CHRM3: variants seen among roughly 807,000 people sequenced by gnomAD.
CHRM3 encodes the protein muscarinic acetylcholine receptor M3.
CHRM3 carries 11 observed loss-of-function variants against 41.8 expected under a neutral mutation model. The observed-to-expected ratio is 0.26, with a 90% CI of 0.17 to 0.44. The LOEUF (loss-of-function observed/expected upper bound fraction) is 0.44. Among genes scored for constraint, CHRM3 ranks in the 20% least tolerant of loss-of-function variants. The pLI, the probability that CHRM3 is intolerant of heterozygous loss-of-function variation, is 1.00. For synonymous variants in CHRM3, 297 were observed against 301.4 expected (o/e 0.99, Z 0.15); for missense variants, 571 against 745.4 (o/e 0.77, Z 2.72).
intron 3 of CHRM3, among the ~76,000 whole-genome samples, chr1:239,562,985 A>T (rs530208851): frequency 6.6e-6 from 1 of 152,290 alleles, no homozygotes; most frequent in East Asian, 1.9e-4. Flanking sequence ...AATGGAATAA[A>T]CTGAAATTCA....
intron 5 of CHRM3, among the ~76,000 whole-genome samples, chr1:239,787,485 A>G (rs1343974492): frequency 1.3e-5 from 2 of 152,010 alleles, no homozygotes; most frequent in East Asian, 3.9e-4. Flanking sequence ...CGAAACAAGA[A>G]CTCCCAGTGG....
intron 3 of CHRM3, among the ~76,000 whole-genome samples, chr1:239,568,343 A>C (rs1300830055): frequency 6.6e-6 from 1 of 152,088 alleles, no homozygotes; most frequent in Admixed American, 6.6e-5. Context: ...TGTCTTAGTG[A>C]GTAAGTTTCA....
intron 6 of CHRM3, among the ~76,000 whole-genome samples, chr1:239,850,771 T>G (rs1190659910): frequency 2.0e-5 from 3 of 152,198 alleles, no homozygotes; most frequent in Admixed American, 2.0e-4. Context: ...TGCTTGGCAC[T>G]TCTCCTTGCT....
intron 5 of CHRM3, among the ~76,000 whole-genome samples, chr1:239,735,817 C>T (rs953264371): frequency 6.6e-6 from 1 of 152,100 alleles, no homozygotes; most frequent in East Asian, 1.9e-4. Context: ...AACACAAACA[C>T]ATCAGAAAAG....
chr1:239,588,005 T>C (rs2148620479), intron 3 of CHRM3, among the ~76,000 whole-genome samples: 1 of 152,350 alleles, frequency 6.6e-6, no homozygotes, highest in African/African-American at 2.4e-5. Flanking sequence ...TTTTAAACAT[T>C]CGATCAGACC....
chr1:239,389,033 G>C (rs1015179666), intron 1 of CHRM3, among the ~76,000 whole-genome samples: 1 of 152,188 alleles, frequency 6.6e-6, no homozygotes, highest in African/African-American at 2.4e-5. Flanking sequence ...TTATGAGATC[G>C]AATGTAGCAC....
At chr1:239,587,341 C>A (rs1448071818) in intron 3 of CHRM3, among the ~76,000 whole-genome samples, 1 of 152,190 alleles carries the variant, frequency 6.6e-6, no homozygotes, top group Non-Finnish European at 1.5e-5. Context: ...ACAGGCCAGC[C>A]TCTTACCAGT....
Position 239,908,530 on chromosome 1 carries a change from A to C in CHRM3, c.1079A>C (p.Glu360Ala). 1 of 1,589,518 alleles carries C rather than the reference A, an allele frequency of 6.3e-7. No individual in the cohort carries two copies. The highest frequency in any genetic ancestry group is 8.6e-7 in the Non-Finnish European group (1 of 1,167,966). Reference sequence around the variant, plus strand: ...TCCGACGAGGAGGACATTGGCTCCGAGACGAGAGCCATCTACTCCATCGTG... The same window carrying C: ...TCCGACGAGGAGGACATTGGCTCCGCGACGAGAGCCATCTACTCCATCGTG... ...ASSDEEDIGS[E>A]TRAIYSIVLK... The change falls in exon 7 of 7, where the codon GAG (glutamate) becomes GCG (alanine). Residue 360 changes from glutamate to alanine, a missense_variant. Glu to Ala is a moderately radical substitution (Grantham distance 107). Coordinates refer to ENST00000676153, the MANE Select transcript of CHRM3 (RefSeq NM_001375978.1). The surrounding 1 kb of genome is among the most constrained non-coding windows in gnomAD (Gnocchi z 7.2).
At position 239,849,702 on chromosome 1, in the gene CHRM3, G is replaced by A. The variant is rs573782922; in HGVS notation, c.-20+22324G>A. ...GACGCTCCTTTGCTAGCTGTGTGAC[G>A]TTAGGCAAATTGCTTCACCTCTTAT... On this transcript the variant is annotated intron_variant, in intron 6 of 6. Transcript: ENST00000676153. Among the ~76,000 whole-genome samples the A allele has an allele frequency of 1.2e-4, 18 of 152,222 alleles. 1 individual carries two copies. The highest frequency in any genetic ancestry group is 1.6e-4 in the Non-Finnish European group (11 of 68,016).
chr1:239,566,726 T>G (rs1661394295), intron 3 of CHRM3, among the ~76,000 whole-genome samples: 1 of 152,202 alleles, frequency 6.6e-6, no homozygotes, highest in African/African-American at 2.4e-5. Flanking sequence ...TGACTCAACT[T>G]TCATGGGGAA....
chr1:239,499,154 T>C lies in CHRM3; in HGVS notation c.-422+6347T>C, dbSNP rs1668063697. 5.9e-5 allele frequency among the ~76,000 whole-genome samples: 9 copies of C among 152,124 alleles called. 1 individual carries two copies. The highest frequency in any genetic ancestry group is 5.9e-4 in the Admixed American group (9 of 15,254). ...AAATAAAGGGTGAATTTCTTCAACT[T>C]GATAGGTTACTTCTGACGATTTCAT... On this transcript the variant is annotated intron_variant, in intron 2 of 6. Coordinates refer to ENST00000676153, the MANE Select transcript of CHRM3 (RefSeq NM_001375978.1).
intron 6 of CHRM3, among the ~76,000 whole-genome samples, chr1:239,874,295 A>ATATATATATCTATATACACAG (rs1553291885): frequency 2.5e-4 from 18 of 73,152 alleles, no homozygotes; most frequent in Non-Finnish European, 3.2e-4. Flanking sequence ...GTATATATAT[A>ATATATATATCTATATACACAG]TATATATATA....
intron 4 of CHRM3, among the ~76,000 whole-genome samples, chr1:239,638,413 C>T (rs1303623490): frequency 6.6e-6 from 1 of 152,084 alleles, no homozygotes; most frequent in East Asian, 1.9e-4. Flanking sequence ...TCCACATCCT[C>T]TCCAGCACCT....
intron 1 of CHRM3, among the ~76,000 whole-genome samples, chr1:239,490,061 G>C (rs1455546505): frequency 6.6e-6 from 1 of 152,118 alleles, no homozygotes; most frequent in South Asian, 2.1e-4. Flanking sequence ...TAATTGTATC[G>C]TAGGGTAGTT....
In CHRM3 at chr1:239,914,429, G is replaced by A. The variant is rs1170817865; in HGVS notation, c.*5205G>A. On this transcript the variant is annotated 3_prime_UTR_variant, in exon 7 of 7. Transcript: ENST00000676153. ...TACTGTAGTCAGGAGTTATTTGGCT[G>A]GGAAGTGGAAAGTGTTCACAAACAT... is the stretch of plus-strand genomic sequence containing the variant. The A allele has an allele frequency of 6.0e-6, 1 of 167,032 alleles. No homozygotes were observed. Among genetic ancestry groups the A allele is most frequent in the Non-Finnish European group, 1.5e-5 (1 of 68,116 alleles). The allele number at this position is 167,032 out of a possible 1,614,324, so 10.3% of individuals were successfully genotyped here. A position where few individuals can be genotyped will look rare whatever the true frequency, so the allele number is the denominator to read the frequency against.
intron 5 of CHRM3, among the ~76,000 whole-genome samples, chr1:239,789,280 T>C (rs1379994695): frequency 6.6e-6 from 1 of 152,202 alleles, no homozygotes; most frequent in Non-Finnish European, 1.5e-5. Flanking sequence ...TGTCATCTAG[T>C]TGTATACTCT....
intron 6 of CHRM3, among the ~76,000 whole-genome samples, chr1:239,894,103 G>T (rs539520610): frequency 6.6e-6 from 1 of 152,204 alleles, no homozygotes; most frequent in Non-Finnish European, 1.5e-5. Flanking sequence ...AAAGCCATAG[G>T]CATCAAATAT....
At chr1:239,457,094 G>T (rs957512790) in intron 1 of CHRM3, among the ~76,000 whole-genome samples, 1 of 152,066 alleles carries the variant, frequency 6.6e-6, no homozygotes, top group Non-Finnish European at 1.5e-5. Flanking sequence ...CATCTTTGAC[G>T]TTTGCATCAT....
intron 1 of CHRM3, among the ~76,000 whole-genome samples, chr1:239,458,687 G>A (rs1462228208): frequency 1.3e-5 from 2 of 152,090 alleles, no homozygotes; most frequent in Non-Finnish European, 2.9e-5. Context: ...CATTTTGAAG[G>A]AACCTTCAAA....
Sources: gnomAD v4.1 joint callset for allele counts (sites outside exome capture counted in the v4.1 genomes callset) on GRCh38, gnomAD v4.1.1 for gene constraint, Gnocchi (gnomAD v3.1) non-coding constraint, MANE v1.5 for transcripts, NCBI Gene and HGNC (gene_info 2026-07-23, HGNC 2026-07-21) for gene names.